SV2C: variants seen among roughly 807,000 people sequenced by gnomAD.
The protein encoded by SV2C is solute carrier family 22 member B3.
Under a neutral mutation model 79.7 loss-of-function variants are expected in SV2C, and 49 were observed. The ratio of observed to expected loss-of-function variants is 0.61; its 90% CI spans 0.49 to 0.78. The LOEUF (loss-of-function observed/expected upper bound fraction) is 0.78, where lower values mean the gene tolerates loss of function less well. Among genes scored for constraint, SV2C ranks in the 30% least tolerant of loss-of-function variants. The pLI is 0.00. For synonymous variants in SV2C, 334 were observed against 333.2 expected, an observed-to-expected ratio of 1.00 and a Z score of -0.03; for missense variants, 833 against 912.9, an observed-to-expected ratio of 0.91 and a Z score of 1.13.
At chr5:76,073,920 A>G in the SV2C span, among the ~76,000 whole-genome samples, 4 of 152,186 alleles carry the variant, frequency 2.6e-5, no homozygotes, top group East Asian at 7.7e-4. Context: ...ATTAATTTTA[A>G]AAAAAGAAGT....
intron 4 of SV2C, among the ~76,000 whole-genome samples, chr5:76,242,998 A>T (rs1315225394): frequency 1.4e-5 from 2 of 143,320 alleles, no homozygotes; most frequent in African/African-American, 5.2e-5. Flanking sequence ...TGTGCAACAG[A>T]TCGAGACCCC....
At chr5:75,879,892 A>G in the SV2C span, among the ~76,000 whole-genome samples, 7 of 152,130 alleles carry the variant, frequency 4.6e-5, no homozygotes, top group Admixed American at 4.6e-4. Flanking sequence ...ACCCTCTGAA[A>G]TCTAGGTGGA....
the SV2C span, among the ~76,000 whole-genome samples, chr5:75,991,697 CAGAT>C: frequency 6.7e-6 from 1 of 149,148 alleles, no homozygotes; most frequent in Non-Finnish European, 1.5e-5. Flanking sequence ...GCAAAACCAT[CAGAT>C]AGATATATAT....
intron 1 of SV2C, among the ~76,000 whole-genome samples, chr5:76,129,250 A>G (rs1362775420): frequency 6.6e-6 from 1 of 152,218 alleles, no homozygotes; most frequent in East Asian, 1.9e-4. Context: ...GCATTTTTGA[A>G]TAAGTATTCA....
the SV2C span, among the ~76,000 whole-genome samples, chr5:76,020,801 G>A: frequency 6.6e-6 from 1 of 152,166 alleles, no homozygotes; most frequent in African/African-American, 2.4e-5. Flanking sequence ...GATGGGTTAA[G>A]AAAGCAGGTG....
At chr5:76,258,335 T>C (rs1746359172) in intron 4 of SV2C, among the ~76,000 whole-genome samples, 1 of 152,036 alleles carries the variant, frequency 6.6e-6, no homozygotes, top group Non-Finnish European at 1.5e-5. Flanking sequence ...GGCAACTGCC[T>C]CAGGAAATCT....
upstream of SV2C, among the ~76,000 whole-genome samples, chr5:76,080,209 A>T (rs762717755): frequency 4.0e-5 from 6 of 151,818 alleles, no homozygotes; most frequent in East Asian, 1.9e-4. Flanking sequence ...GACAGAGTTT[A>T]AAAAAAATGA....
the SV2C span, among the ~76,000 whole-genome samples, chr5:75,939,804 T>G: frequency 5.3e-5 from 8 of 152,270 alleles, no homozygotes; most frequent in Admixed American, 5.2e-4. Context: ...GCACATACAA[T>G]GTTTATTACA....
At chr5:75,895,086 GACA>G in the SV2C span, among the ~76,000 whole-genome samples, 8 of 152,216 alleles carry the variant, frequency 5.3e-5, no homozygotes, top group African/African-American at 1.9e-4. Context: ...AGCCACACAT[GACA>G]ACGAATGCAG....
chr5:76,252,024 G>A (rs1036004104), intron 4 of SV2C, among the ~76,000 whole-genome samples: 9 of 152,120 alleles, frequency 5.9e-5, no homozygotes, highest in African/African-American at 9.7e-5. Context: ...ACTGAGGTTC[G>A]GAATTAGGAG....
At chr5:75,933,753 T>C in the SV2C span, among the ~76,000 whole-genome samples, 2 of 152,188 alleles carry the variant, frequency 1.3e-5, no homozygotes, top group African/African-American at 4.8e-5. Context: ...ACCCCTTTCT[T>C]CTATAGCAGC....
At chr5:76,264,437 A>G (rs533804468) in intron 4 of SV2C, among the ~76,000 whole-genome samples, 50 of 152,184 alleles carry the variant, frequency 3.3e-4, no homozygotes, top group African/African-American at 1.2e-3. Context: ...ACTTCTGTCA[A>G]TTCATCAAAC....
chr5:76,093,451 C>T (rs988519475), intron 1 of SV2C, among the ~76,000 whole-genome samples: 1 of 152,208 alleles, frequency 6.6e-6, no homozygotes, highest in African/African-American at 2.4e-5. Flanking sequence ...ATTAATTGCA[C>T]ACTTAGCCAT....
At chr5:75,956,206 C>T in the SV2C span, among the ~76,000 whole-genome samples, 2 of 143,422 alleles carry the variant, frequency 1.4e-5, no homozygotes, top group African/African-American at 5.1e-5. Context: ...CCATGGAATA[C>T]TATGCAGCCA....
At chr5:75,906,339 C>G in the SV2C span, among the ~76,000 whole-genome samples, 1 of 152,048 alleles carries the variant, frequency 6.6e-6, no homozygotes, top group South Asian at 2.1e-4. Flanking sequence ...TGGATGATAG[C>G]TACTTTGTGT....
intron 4 of SV2C, among the ~76,000 whole-genome samples, chr5:76,252,090 C>T (rs1270022847): frequency 3.3e-5 from 5 of 152,164 alleles, no homozygotes; most frequent in Non-Finnish European, 7.4e-5. Flanking sequence ...TATGCAAACT[C>T]ACTGTCCAAG....
intron 9 of SV2C, 119 bp downstream of exon 9, chr5:76,296,061 A>C: frequency 2.1e-6 from 2 of 961,202 alleles, no homozygotes; most frequent in Non-Finnish European, 2.9e-6. Context: ...TTGTACATTT[A>C]GTCATTTTCA....
chr5:76,009,855 A>G, the SV2C span, among the ~76,000 whole-genome samples: 3 of 152,108 alleles, frequency 2.0e-5, no homozygotes, highest in Admixed American at 2.0e-4. Context: ...TCAGCATCAC[A>G]CTATATACCC....
At chr5:75,874,586 C>T in the SV2C span, among the ~76,000 whole-genome samples, 1 of 152,040 alleles carries the variant, frequency 6.6e-6, no homozygotes, top group South Asian at 2.1e-4. Flanking sequence ...AAATAAAGCA[C>T]ATCCAAATAG....
Sources: gnomAD v4.1 joint callset for allele counts (sites outside exome capture counted in the v4.1 genomes callset) on GRCh38, gnomAD v4.1.1 for gene constraint, MANE v1.5 for transcripts, NCBI Gene and HGNC (gene_info 2026-07-23, HGNC 2026-07-21) for gene names.